QTMAN: variants seen among roughly 807,000 people sequenced by gnomAD.
QTMAN encodes queuosine-tRNA mannosyltransferase, also known as tRNA-queuosine alpha-mannosyltransferase.
chr2:143,962,979 A>AT, the QTMAN span, among the ~76,000 whole-genome samples: 3 of 152,076 alleles, frequency 2.0e-5, no homozygotes, highest in Middle Eastern at 3.4e-3. Context: ...CTCGGTCATA[A>AT]TTTTTTTTGT....
chr2:144,019,277 G>A, the QTMAN span, among the ~76,000 whole-genome samples: 2 of 152,100 alleles, frequency 1.3e-5, no homozygotes, highest in African/African-American at 4.8e-5. Flanking sequence ...TAATGGTAGG[G>A]AATTTATTTA....
the QTMAN span, among the ~76,000 whole-genome samples, chr2:144,014,549 T>C: frequency 1.3e-5 from 2 of 152,288 alleles, no homozygotes; most frequent in East Asian, 1.9e-4. Context: ...ACCCTACTTA[T>C]TGGCCTGAGT....
the QTMAN span, among the ~76,000 whole-genome samples, chr2:143,978,852 T>C: frequency 3.3e-5 from 5 of 152,348 alleles, no homozygotes; most frequent in South Asian, 2.1e-4. Context: ...CATTTGGATT[T>C]AACATTGTTT....
At chr2:144,088,057 A>T in the QTMAN span, among the ~76,000 whole-genome samples, 1 of 152,038 alleles carries the variant, frequency 6.6e-6, no homozygotes, top group African/African-American at 2.4e-5. Flanking sequence ...TAGAAAACCT[A>T]AAGACTTTAC....
chr2:143,984,001 C>A, the QTMAN span, among the ~76,000 whole-genome samples: 2 of 152,190 alleles, frequency 1.3e-5, no homozygotes, highest in African/African-American at 4.8e-5. Context: ...CACCATTAAT[C>A]CAGCCACCAA....
chr2:144,202,400 C>G, the QTMAN span, among the ~76,000 whole-genome samples: 2 of 152,074 alleles, frequency 1.3e-5, no homozygotes, highest in African/African-American at 4.8e-5. Context: ...TTAAATACAT[C>G]TTTTATTTTT....
chr2:144,036,339 G>A, the QTMAN span, among the ~76,000 whole-genome samples: 162 of 152,252 alleles, frequency 1.1e-3, 1 homozygote, highest in Non-Finnish European at 1.3e-3. Context: ...ATGTAGAGAT[G>A]CCAGATAATT....
At chr2:144,147,386 C>T in the QTMAN span, among the ~76,000 whole-genome samples, 1 of 151,786 alleles carries the variant, frequency 6.6e-6, no homozygotes, top group East Asian at 1.9e-4. Flanking sequence ...CCCCACACCA[C>T]TACCACATAT....
the QTMAN span, among the ~76,000 whole-genome samples, chr2:144,158,612 A>G: frequency 6.6e-6 from 1 of 152,040 alleles, no homozygotes; most frequent in Non-Finnish European, 1.5e-5. Flanking sequence ...TGATATAAAG[A>G]AGGAAAAAAA....
chr2:144,167,766 G>A, the QTMAN span, among the ~76,000 whole-genome samples: 4 of 151,944 alleles, frequency 2.6e-5, no homozygotes, highest in Admixed American at 6.6e-5. Flanking sequence ...CCCAGCCTTC[G>A]GTATTTCTTC....
At chr2:144,304,103 T>C in the QTMAN span, among the ~76,000 whole-genome samples, 1 of 152,010 alleles carries the variant, frequency 6.6e-6, no homozygotes, top group Non-Finnish European at 1.5e-5. Flanking sequence ...GAGAGAACAA[T>C]AACAACACTT....
At chr2:144,119,619 C>T in the QTMAN span, among the ~76,000 whole-genome samples, 5 of 152,230 alleles carry the variant, frequency 3.3e-5, no homozygotes, top group East Asian at 5.8e-4. Context: ...GCCTTGCCAT[C>T]TGACTGCCTG....
At chr2:144,187,406 C>T in the QTMAN span, among the ~76,000 whole-genome samples, 4 of 152,110 alleles carry the variant, frequency 2.6e-5, no homozygotes, top group Non-Finnish European at 4.4e-5. Context: ...TCCAGTCTTG[C>T]GAGAGCCAGA....
At chr2:144,080,461 C>G in the QTMAN span, among the ~76,000 whole-genome samples, 2 of 152,112 alleles carry the variant, frequency 1.3e-5, no homozygotes, top group East Asian at 3.9e-4. Context: ...TTACCTGGAG[C>G]TTCAGCAATA....
At chr2:144,218,584 A>G in the QTMAN span, among the ~76,000 whole-genome samples, 3 of 152,238 alleles carry the variant, frequency 2.0e-5, no homozygotes, top group African/African-American at 7.2e-5. Flanking sequence ...ATTCTTAACT[A>G]TACTGATTAA....
chr2:144,152,696 T>G, the QTMAN span, among the ~76,000 whole-genome samples: 1 of 152,206 alleles, frequency 6.6e-6, no homozygotes, highest in Non-Finnish European at 1.5e-5. Flanking sequence ...TGTAGATATA[T>G]CTGTTTTTAG....
chr2:144,166,942 C>T, the QTMAN span, among the ~76,000 whole-genome samples: 2 of 152,166 alleles, frequency 1.3e-5, no homozygotes, highest in South Asian at 2.1e-4. Flanking sequence ...TGAAATACCA[C>T]TCCATCCTAT....
the QTMAN span, among the ~76,000 whole-genome samples, chr2:144,156,735 T>C: frequency 2.0e-5 from 3 of 152,102 alleles, no homozygotes; most frequent in East Asian, 5.8e-4. Context: ...ACAACTGCCC[T>C]CTTTAAGTTA....
At chr2:143,991,091 A>G in the QTMAN span, among the ~76,000 whole-genome samples, 1 of 152,122 alleles carries the variant, frequency 6.6e-6, no homozygotes, top group African/African-American at 2.4e-5. Flanking sequence ...AAAAGACATG[A>G]AAAATATGAA....
Sources: gnomAD v4.1 joint callset for allele counts (sites outside exome capture counted in the v4.1 genomes callset) on GRCh38, gnomAD v4.1.1 for gene constraint, MANE v1.5 for transcripts, NCBI Gene and HGNC (gene_info 2026-07-23, HGNC 2026-07-21) for gene names.